The following HNRNPA2B1 variants were observed in gnomAD, a reference collection of about 807,000 sequenced individuals.
The protein encoded by HNRNPA2B1 is heterogeneous nuclear ribonucleoproteins A2/B1.
In HNRNPA2B1, 3 loss-of-function variants were observed where a neutral mutation model predicts 46.3. That is an observed-to-expected ratio of 0.06 (90% CI 0.03 to 0.17). The LOEUF (loss-of-function observed/expected upper bound fraction) is 0.17, where lower values mean the gene tolerates loss of function less well. Ranked by LOEUF, HNRNPA2B1 falls within the 10% of genes least tolerant of loss-of-function variation. The pLI is 1.00. For missense variants in HNRNPA2B1, 221 were observed against 418.9 expected (o/e 0.53, Z 4.12); for synonymous variants, 225 against 133.8 (o/e 1.68, Z -4.70).
intron 6 of HNRNPA2B1, among the ~76,000 whole-genome samples, 188 bp from the exon 7 acceptor site, chr7:26,196,097 C>CT (rs915154987): frequency 2.6e-5 from 4 of 152,216 alleles, no homozygotes; most frequent in East Asian, 1.9e-4. Flanking sequence ...ATTTTGGACT[C>CT]TTAACAAGTC....
Position 26,200,678 on chromosome 7 carries a change from G to A in HNRNPA2B1, c.-101C>T, listed in dbSNP as rs562609472. The A allele has an allele frequency of 4.0e-4, 577 of 1,438,560 alleles. 1 individual carries two copies. In the African/African-American group the frequency reaches 7.1e-3, roughly 18 times the overall value. 89.1% of individuals were successfully genotyped at this position (1,438,560 alleles called of 1,614,324 possible). On this transcript the variant is annotated 5_prime_UTR_variant, in exon 1 of 11. Coordinates refer to ENST00000618183, the MANE Select transcript of HNRNPA2B1 (RefSeq NM_002137.4). ...CGGACTCGTCCTGGCGCTGTAGTGA[G>A]AACTGCCGCTGCTCGAGAAACAACT... is the stretch of plus-strand genomic sequence containing the variant.
At chr7:26,193,524 A>C in intron 8 of HNRNPA2B1, 51 bp downstream of exon 8, 1 of 1,563,620 alleles carries the variant, frequency 6.4e-7, no homozygotes, top group South Asian at 1.2e-5. Context: ...CAAGTGTTAC[A>C]AAGACATTAA....
At position 26,193,619 on chromosome 7, in the gene HNRNPA2B1, T is replaced by C. The variant is rs1554331125; in HGVS notation, c.797A>G (p.Asn266Ser). ...GYGGGGPGYG[N>S]QGGGYGGGYD... ...ACCACCTCCGTAGCCCCCACCCTGG[T>C]TGCCATATCCAGGTCCTCCACCACC... The change falls in exon 8 of 11, where the codon AAC (asparagine) becomes AGC (serine). Residue 266 changes from asparagine (N) to serine (S), a missense_variant. This residue lies in a region of HNRNPA2B1 where 143 missense variants were observed against 200.5 expected (regional missense o/e 0.71). Transcript: ENST00000618183. 6.2e-7 allele frequency: 1 copy of C among 1,611,234 alleles called. No homozygotes were observed.
intron 1 of HNRNPA2B1, 190 bp downstream of exon 1, chr7:26,200,382 G>C (rs1784286808): frequency 1.5e-6 from 1 of 667,450 alleles, no homozygotes; most frequent in East Asian, 2.5e-5. Context: ...CCGGGAGGCT[G>C]AGGGTGGGGA....
rs956387893 is a variant in HNRNPA2B1 at position 26,200,628 on chromosome 7, G to C, written c.-51C>G. On this transcript the variant is annotated 5_prime_UTR_variant, in exon 1 of 11. Coordinates refer to ENST00000618183, the MANE Select transcript of HNRNPA2B1 (RefSeq NM_002137.4). The stretch of plus-strand genomic sequence containing the variant: ...TTTCCCGCAGCCGAGCGAGATGAGA[G>C]AGATCTCCGCGGACGAACACGAACC... The C allele has an allele frequency of 6.2e-7, 1 of 1,612,842 alleles. No individual in the cohort carries two copies. The highest frequency in any genetic ancestry group is 8.5e-7 in the Non-Finnish European group (1 of 1,179,708).
At chr7:26,196,157 G>A (rs1783599949) in intron 6 of HNRNPA2B1, among the ~76,000 whole-genome samples, 1 of 152,114 alleles carries the variant, frequency 6.6e-6, no homozygotes, top group African/African-American at 2.4e-5. Flanking sequence ...ACACTTGATG[G>A]GGGTCAAAGC....
chr7:26,197,288 T>C (rs769924474), intron 3 of HNRNPA2B1, 27 bp downstream of exon 3: 5 of 1,574,122 alleles, frequency 3.2e-6, no homozygotes, highest in African/African-American at 2.7e-5. Flanking sequence ...TTCATGTTAA[T>C]GCACAAGACA....
chr7:26,200,544 A>G (rs772797729), intron 1 of HNRNPA2B1, 28 bp downstream of exon 1: 7 of 1,612,202 alleles, frequency 4.3e-6, no homozygotes, highest in African/African-American at 1.3e-5. Context: ...TGCCCTTTTC[A>G]ATAACTCATT....
At chr7:26,197,564 T>A in intron 2 of HNRNPA2B1, 58 bp downstream of exon 2, 1 of 1,555,792 alleles carries the variant, frequency 6.4e-7, no homozygotes, top group African/African-American at 1.4e-5. Flanking sequence ...TCCTCCATGA[T>A]TCACTTAACA....
intron 8 of HNRNPA2B1, 23 bp downstream of exon 8, chr7:26,193,552 A>C (rs751035830): frequency 1.9e-6 from 3 of 1,572,036 alleles, no homozygotes; most frequent in Non-Finnish European, 2.6e-6. Context: ...TTCCCACATA[A>C]AGGTTGCAGG....
intron 7 of HNRNPA2B1, among the ~76,000 whole-genome samples, chr7:26,195,050 G>T (rs993859724): frequency 3.0e-5 from 4 of 131,876 alleles, no homozygotes; most frequent in Non-Finnish European, 6.1e-5. Flanking sequence ...GCAGAGACGC[G>T]CCACTACACT....
Position 26,195,635 on chromosome 7 carries a change from T to C in HNRNPA2B1, c.721+212A>G. 5.5e-6 allele frequency: 3 copies of C among 544,180 alleles called. No individual in the cohort carries two copies. Among genetic ancestry groups the C allele is most frequent in the African/African-American group, 2.0e-5 (1 of 50,760 alleles). 33.7% of individuals were successfully genotyped at this position (544,180 alleles called of 1,614,324 possible). A position where few individuals can be genotyped will look rare whatever the true frequency, so the allele number is the denominator to read the frequency against. ...AAAAGATGAGATACTCTGATGGTTATCTTTACATTTTCATTTAAAATGGCA... is the reference window on the plus strand; with the variant it reads ...AAAAGATGAGATACTCTGATGGTTACCTTTACATTTTCATTTAAAATGGCA... On this transcript the variant is annotated intron_variant, in intron 7 of 10. Coordinates refer to ENST00000618183, the MANE Select transcript of HNRNPA2B1 (RefSeq NM_002137.4).
intron 1 of HNRNPA2B1, 33 bp from the exon 2 acceptor site, chr7:26,197,765 TAC>T: frequency 6.3e-7 from 1 of 1,599,062 alleles, no homozygotes; most frequent in Non-Finnish European, 8.6e-7. Flanking sequence ...AATTTTTATT[TAC>T]ATTTTCCTCT....
intron 2 of HNRNPA2B1, 33 bp from the exon 3 acceptor site, chr7:26,197,494 A>C: frequency 1.2e-6 from 2 of 1,607,168 alleles, no homozygotes; most frequent in Non-Finnish European, 1.7e-6. Flanking sequence ...TTAGCATTTA[A>C]TCTCATTATA....
chr7:26,200,499 G>C, intron 1 of HNRNPA2B1, 73 bp downstream of exon 1: 2 of 1,496,546 alleles, frequency 1.3e-6, no homozygotes, highest in Non-Finnish European at 1.9e-6. Flanking sequence ...GGAGGCGGCT[G>C]GCCGACTTCC....
intron 1 of HNRNPA2B1, chr7:26,199,200 T>C (rs1784051446): frequency 6.6e-6 from 1 of 152,602 alleles, no homozygotes; most frequent in Non-Finnish European, 1.5e-5. Context: ...TCACAATTTA[T>C]CCAAACTTAC....
chr7:26,195,715 G>C (rs936406043), intron 7 of HNRNPA2B1, 132 bp downstream of exon 7: 5 of 937,730 alleles, frequency 5.3e-6, no homozygotes, highest in Non-Finnish European at 7.8e-6. Context: ...GAAATAACTG[G>C]ACCACTATCA....
At chr7:26,194,238 T>C (rs1158811136) in intron 7 of HNRNPA2B1, among the ~76,000 whole-genome samples, 1 of 151,940 alleles carries the variant, frequency 6.6e-6, no homozygotes, top group Non-Finnish European at 1.5e-5. Flanking sequence ...CTACTAAAAA[T>C]ACAAAACATT....
chr7:26,196,899 G>T lies in HNRNPA2B1; in HGVS notation c.383C>A (p.Thr128Asn). The T allele has an allele frequency of 6.2e-7, 1 of 1,613,636 alleles. No individual in the cohort carries two copies. The highest frequency in any genetic ancestry group is 1.1e-5 in the South Asian group (1 of 91,076). ...DYFEEYGKID[T>N]IEIITDRQSG... ...CTGCCTATCAGTAATTATCTCAATGGTATCAATTTTTCCATATTCCTCAAA... is the reference window on the plus strand; with the variant it reads ...CTGCCTATCAGTAATTATCTCAATGTTATCAATTTTTCCATATTCCTCAAA... The change falls in exon 4 of 11, where the codon ACC becomes AAC. Residue 128 changes from threonine (T) to asparagine (N), a missense_variant. Around this residue, in one of 2 missense-constraint regions of HNRNPA2B1, gnomAD observed 78 missense variants for 218.5 expected, o/e 0.36. Transcript: ENST00000618183.
Sources: allele counts gnomAD v4.1 joint callset (sites outside exome capture counted in the v4.1 genomes callset), GRCh38; gene constraint gnomAD v4.1.1; regional missense constraint gnomAD v4.1.1; transcripts MANE v1.5; gene names NCBI Gene and HGNC (gene_info 2026-07-23, HGNC 2026-07-21).